HORMAD1: variants seen among roughly 807,000 people sequenced by gnomAD.
HORMAD1 encodes the protein HORMA domain-containing protein 1.
HORMAD1 carries 33 observed loss-of-function variants against 58.2 expected under a neutral mutation model. The observed-to-expected ratio is 0.57, with a 90% confidence interval of 0.43 to 0.76. The LOEUF is 0.76. Among genes scored for constraint, HORMAD1 ranks in the 30% least tolerant of loss-of-function variants. The pLI, the probability that HORMAD1 is intolerant of heterozygous loss-of-function variation, is 0.00. For missense variants in HORMAD1, 363 were observed against 462.0 expected, an observed-to-expected ratio of 0.79 and a Z score of 1.96; for synonymous variants, 137 against 144.6, an observed-to-expected ratio of 0.95 and a Z score of 0.38.
intron 9 of HORMAD1, 91 bp downstream of exon 9, chr1:150,708,165 A>G: frequency 2.1e-6 from 2 of 969,878 alleles, no homozygotes; most frequent in Non-Finnish European, 3.0e-6. Flanking sequence ...CAAAAAATTT[A>G]GGTGCTAAAA....
At position 150,708,921 on chromosome 1, in the gene HORMAD1, T is replaced by C. The variant is rs1283893895; in HGVS notation, c.368A>G (p.Asn123Ser). Reference sequence around the variant, plus strand: ...TATGAAGTCCATGAGTGGTCCATTATTGGTGTATTTGAATTTGAATTGGTA... The same window carrying C: ...TATGAAGTCCATGAGTGGTCCATTACTGGTGTATTTGAATTTGAATTGGTA... ...ECYQFKFKYT[N>S]NGPLMDFISK... Residue 123 changes from asparagine (N) to serine (S), a missense_variant, in exon 8 of 15, where the codon AAT becomes AGT. Asn to Ser is a conservative substitution (Grantham distance 46). Around this residue, in one of 3 missense-constraint regions of HORMAD1, gnomAD observed 128 missense variants for 171.8 expected, o/e 0.74. Transcript: ENST00000361824. The C allele has an allele frequency of 1.3e-6, 2 of 1,510,826 alleles. No individual in the cohort carries two copies. Among genetic ancestry groups the C allele is most frequent in the African/African-American group, 1.4e-5 (1 of 72,788 alleles). The allele number at this position is 1,510,826 out of a possible 1,614,324, so 93.6% of individuals were successfully genotyped here.
chr1:150,708,883 T>C lies in HORMAD1; in HGVS notation c.395+11A>G. The C allele has an allele frequency of 1.5e-6, 2 of 1,337,554 alleles. No homozygotes were observed. The highest frequency in any genetic ancestry group is 2.2e-6 in the Non-Finnish European group (2 of 929,450). The allele number at this position is 1,337,554 out of a possible 1,614,324, so 82.9% of individuals were successfully genotyped here. On this transcript the variant is annotated intron_variant, in intron 8 of 14. Transcript: ENST00000361824. Reference sequence around the variant, plus strand: ...AATCTGTAATACAAACAGAAAACTATAGAACAATACCTTATGAAGTCCATG... The same window carrying C: ...AATCTGTAATACAAACAGAAAACTACAGAACAATACCTTATGAAGTCCATG...
chr1:150,718,340 G>A (rs895838299), intron 2 of HORMAD1, among the ~76,000 whole-genome samples: 1 of 142,656 alleles, frequency 7.0e-6, no homozygotes, highest in Admixed American at 7.6e-5. Context: ...ACCATGCCTG[G>A]CTAATTTTTT....
Position 150,706,829 on chromosome 1 carries a change from A to C in HORMAD1, c.548-20T>G. 6.3e-7 allele frequency: 1 copy of C among 1,575,732 alleles called. No homozygotes were observed. Among genetic ancestry groups the C allele is most frequent in the South Asian group, 1.2e-5 (1 of 85,244 alleles). On this transcript the variant is annotated intron_variant, in intron 9 of 14. Transcript: ENST00000361824. ...GTGTAACTGCAAAAAAGTAAGTGTA[A>C]ACTGTGCTGTTCATGAAATTAAAGA...
intron 7 of HORMAD1, 89 bp downstream of exon 7, chr1:150,711,456 T>C: frequency 1.1e-6 from 1 of 938,304 alleles, no homozygotes; most frequent in South Asian, 1.4e-5. Flanking sequence ...AAAGCATAAT[T>C]AAAAGCATAA....
rs768147855 is a variant in HORMAD1 at position 150,703,381 on chromosome 1, C to A, written c.961G>T (p.Val321Phe). The A allele has an allele frequency of 1.9e-6, 3 of 1,557,594 alleles. No homozygotes were observed. In the South Asian group the frequency reaches 3.5e-5, roughly 18 times the overall value. Reference sequence around the variant, plus strand: ...ATATCAAGTTCAGATGTTTTATTGACTAACTGCTCAACCTAAAAAAGAAAA... The same window carrying A: ...ATATCAAGTTCAGATGTTTTATTGAATAACTGCTCAACCTAAAAAAGAAAA... ...SISHSQVEQL[V>F]NKTSELDMSE... Residue 321 changes from valine (V) to phenylalanine (F), a missense_variant, in exon 13 of 15, where the codon GTC becomes TTC. By Grantham distance (50) the Val-to-Phe change is conservative. This residue lies in a region of HORMAD1 where 226 missense variants were observed against 257.8 expected (regional missense o/e 0.88). Coordinates refer to ENST00000361824, the MANE Select transcript of HORMAD1 (RefSeq NM_032132.5).
At chr1:150,716,715 C>T (rs1042069369) in intron 3 of HORMAD1, among the ~76,000 whole-genome samples, 9 of 151,132 alleles carry the variant, frequency 6.0e-5, no homozygotes, top group African/African-American at 2.2e-4. Flanking sequence ...TGTAATCACA[C>T]CACTTTGGGA....
intron 13 of HORMAD1, among the ~76,000 whole-genome samples, chr1:150,701,236 T>A (rs1651526859): frequency 6.6e-6 from 1 of 152,196 alleles, no homozygotes; most frequent in Non-Finnish European, 1.5e-5. Flanking sequence ...CTGGTCTCTA[T>A]CCCTATATCC....
chr1:150,702,694 T>C (rs1651572388), intron 13 of HORMAD1, among the ~76,000 whole-genome samples: 1 of 151,868 alleles, frequency 6.6e-6, no homozygotes, highest in Non-Finnish European at 1.5e-5. Flanking sequence ...AGATAAACAA[T>C]GAGAACACAT....
At chr1:150,716,502 A>C (rs1386021769) in intron 3 of HORMAD1, among the ~76,000 whole-genome samples, 4 of 151,796 alleles carry the variant, frequency 2.6e-5, no homozygotes, top group African/African-American at 9.7e-5. Context: ...AAATGTCCAG[A>C]GTAAGTAAAT....
At position 150,698,283 on chromosome 1, in the gene HORMAD1, T is replaced by G. The variant is rs1651427702; in HGVS notation, c.*371A>C. The stretch of plus-strand genomic sequence containing the variant: ...TTAAATGGTATAATTTTAACATAAG[T>G]AAAAAGTGAATCCATACCAAATTTT... On this transcript the variant is annotated 3_prime_UTR_variant, in exon 15 of 15. Transcript: ENST00000361824. The G allele has an allele frequency of 6.5e-6, 1 of 154,516 alleles. No individual in the cohort carries two copies. Among genetic ancestry groups the G allele is most frequent in the Admixed American group, 6.5e-5 (1 of 15,338 alleles). 9.6% of individuals were successfully genotyped at this position (154,516 alleles called of 1,614,324 possible). A position where few individuals can be genotyped will look rare whatever the true frequency, so the allele number is the denominator to read the frequency against.
intron 10 of HORMAD1, 136 bp downstream of exon 10, chr1:150,706,417 T>C: frequency 2.6e-6 from 2 of 762,236 alleles, no homozygotes; most frequent in South Asian, 3.8e-5. Flanking sequence ...GCCTAGACTT[T>C]AAGGTCCCTT....
Position 150,717,131 on chromosome 1 carries a change from G to T in HORMAD1, c.178+7C>A. ...AAAAGAAAGCTTTAAAATAAATATTGTATTACCATCTAGATATCTTGTTCC... is the reference window on the plus strand; with the variant it reads ...AAAAGAAAGCTTTAAAATAAATATTTTATTACCATCTAGATATCTTGTTCC... On this transcript the variant is annotated splice_region_variant and intron_variant, in intron 3 of 14. Transcript: ENST00000361824. 1 of 1,508,746 alleles carries T rather than the reference G, an allele frequency of 6.6e-7. No individual in the cohort carries two copies. The highest frequency in any genetic ancestry group is 9.0e-7 in the Non-Finnish European group (1 of 1,111,614). The allele number at this position is 1,508,746 out of a possible 1,614,324, so 93.5% of individuals were successfully genotyped here.
chr1:150,710,124 C>T (rs1651828484), intron 7 of HORMAD1, among the ~76,000 whole-genome samples: 1 of 152,070 alleles, frequency 6.6e-6, no homozygotes, highest in Admixed American at 6.5e-5. Context: ...TTTCTCTATA[C>T]TTTGTCTCTG....
At chr1:150,702,837 A>G (rs1391674193) in intron 13 of HORMAD1, among the ~76,000 whole-genome samples, 1 of 152,174 alleles carries the variant, frequency 6.6e-6, no homozygotes, top group East Asian at 1.9e-4. Flanking sequence ...GCAAATCACT[A>G]TGGCACACGT....
At position 150,698,599 on chromosome 1, in the gene HORMAD1, C is replaced by A; in HGVS notation, c.*55G>T. The A allele has an allele frequency of 2.3e-6, 2 of 883,472 alleles. No homozygotes were observed. The highest frequency in any genetic ancestry group is 2.9e-5 in the South Asian group (2 of 68,100). The allele number at this position is 883,472 out of a possible 1,614,324, so 54.7% of individuals were successfully genotyped here. On this transcript the variant is annotated 3_prime_UTR_variant, in exon 15 of 15. Coordinates refer to ENST00000361824, the MANE Select transcript of HORMAD1 (RefSeq NM_032132.5). ...GAGTTAGGGAAATATAATATAGGGTCCTTCAGTTTAAATGGTGAGAAGAAC... is the reference window on the plus strand; with the variant it reads ...GAGTTAGGGAAATATAATATAGGGTACTTCAGTTTAAATGGTGAGAAGAAC...
At chr1:150,710,873 ACTGGCC>A (rs1651855327) in intron 7 of HORMAD1, among the ~76,000 whole-genome samples, 3 of 152,220 alleles carry the variant, frequency 2.0e-5, no homozygotes, top group African/African-American at 7.2e-5. Flanking sequence ...CAAATTGTGA[ACTGGCC>A]TTCCTAGGTT....
intron 9 of HORMAD1, 84 bp from the exon 10 acceptor site, chr1:150,706,893 G>T: frequency 8.5e-7 from 1 of 1,173,538 alleles, no homozygotes; most frequent in Non-Finnish European, 1.2e-6. Flanking sequence ...GCAGATTGCA[G>T]GTATTTCAAA....
intron 9 of HORMAD1, 117 bp downstream of exon 9, chr1:150,708,139 G>T: frequency 1.4e-6 from 1 of 703,394 alleles, no homozygotes. Flanking sequence ...GATATTAAGT[G>T]TAAATTTTAT....
Sources: allele counts gnomAD v4.1 joint callset (sites outside exome capture counted in the v4.1 genomes callset), GRCh38; gene constraint gnomAD v4.1.1; regional missense constraint gnomAD v4.1.1; transcripts MANE v1.5; gene names NCBI Gene and HGNC (gene_info 2026-07-23, HGNC 2026-07-21).